The following NFIB variants were observed in gnomAD, a reference collection of about 807,000 sequenced individuals.
The protein encoded by NFIB is nuclear factor I B, also known as nuclear factor 1 B-type.
A neutral mutation model predicts 61.5 loss-of-function variants in NFIB; 11 were observed. The observed-to-expected ratio is 0.18, with a 90% confidence interval of 0.11 to 0.30. The LOEUF (loss-of-function observed/expected upper bound fraction) is 0.30, where lower values mean the gene tolerates loss of function less well. Ranked by LOEUF, NFIB falls within the 10% of genes least tolerant of loss-of-function variation. The probability of loss-of-function intolerance (pLI) is 1.00; values close to 1 mark genes in which losing one functional copy is unlikely to be tolerated. For missense variants in NFIB, 471 were observed against 608.9 expected (o/e 0.77, Z 2.38); for synonymous variants, 260 against 216.5 (o/e 1.20, Z -1.76).
the NFIB span, among the ~76,000 whole-genome samples, chr9:14,457,374 G>C: frequency 3.9e-5 from 6 of 152,118 alleles, no homozygotes; most frequent in Admixed American, 2.6e-4. Context: ...CTTTGAAAGA[G>C]GGCTATTTCT....
intron 1 of NFIB, among the ~76,000 whole-genome samples, chr9:14,325,942 T>C (rs2060747287): frequency 6.6e-6 from 1 of 152,198 alleles, no homozygotes; most frequent in Admixed American, 6.5e-5. Context: ...TATTGTATTT[T>C]TAATATAAAT....
At chr9:14,232,051 C>A (rs1490982323) in intron 2 of NFIB, among the ~76,000 whole-genome samples, 1 of 152,154 alleles carries the variant, frequency 6.6e-6, no homozygotes, top group African/African-American at 2.4e-5. Flanking sequence ...AGTCTCTTAT[C>A]AGTATGGAAC....
chr9:14,405,317 G>C, the NFIB span, among the ~76,000 whole-genome samples: 1 of 152,178 alleles, frequency 6.6e-6, no homozygotes, highest in African/African-American at 2.4e-5. Context: ...ATGTCATTGA[G>C]ATTTCAGGAA....
At chr9:14,226,215 T>C in intron 2 of NFIB, among the ~76,000 whole-genome samples, 1 of 152,170 alleles carries the variant, frequency 6.6e-6, no homozygotes, top group African/African-American at 2.4e-5. Context: ...TTGGATAACT[T>C]TTTTTTGGCT....
At chr9:14,517,501 G>T in the NFIB span, among the ~76,000 whole-genome samples, 2 of 152,186 alleles carry the variant, frequency 1.3e-5, no homozygotes, top group African/African-American at 4.8e-5. Flanking sequence ...GAAACTTGCA[G>T]AAACAGCAGC....
At chr9:14,489,799 T>C in the NFIB span, among the ~76,000 whole-genome samples, 131 of 152,112 alleles carry the variant, frequency 8.6e-4, no homozygotes, top group African/African-American at 2.8e-3. Context: ...TTTATACATA[T>C]GTATTAAATA....
intron 2 of NFIB, among the ~76,000 whole-genome samples, chr9:14,260,785 C>A (rs1248755438): frequency 1.3e-5 from 2 of 152,196 alleles, no homozygotes; most frequent in African/African-American, 2.4e-5. Context: ...TCAGGCAAGG[C>A]AGCATGCTTA....
At chr9:14,168,481 A>C (rs775702153) in intron 3 of NFIB, among the ~76,000 whole-genome samples, 3 of 152,220 alleles carry the variant, frequency 2.0e-5, no homozygotes, top group Non-Finnish European at 4.4e-5. Flanking sequence ...AGATACAAAG[A>C]AGCAGCACAC....
intron 2 of NFIB, among the ~76,000 whole-genome samples, chr9:14,198,977 T>G (rs1211850941): frequency 1.3e-5 from 2 of 152,190 alleles, no homozygotes; most frequent in Non-Finnish European, 2.9e-5. Flanking sequence ...ACTGAACCAT[T>G]CTGAACTCTA....
intron 1 of NFIB, among the ~76,000 whole-genome samples, chr9:14,376,406 C>A (rs903326386): frequency 1.3e-5 from 2 of 152,146 alleles, no homozygotes; most frequent in Admixed American, 6.5e-5. Flanking sequence ...GACACTATTT[C>A]CTGCAGGGAT....
At chr9:14,294,935 G>A (rs949906177) in intron 2 of NFIB, among the ~76,000 whole-genome samples, 1 of 152,112 alleles carries the variant, frequency 6.6e-6, no homozygotes, top group Non-Finnish European at 1.5e-5. Context: ...AACAAGCACC[G>A]AAACTAGTTC....
the NFIB span, among the ~76,000 whole-genome samples, chr9:14,500,720 G>T: frequency 6.6e-6 from 1 of 152,092 alleles, no homozygotes; most frequent in African/African-American, 2.4e-5. Flanking sequence ...ATTCCTTGCC[G>T]CCCTAGAGTC....
intron 2 of NFIB, among the ~76,000 whole-genome samples, chr9:14,225,556 G>T (rs552261607): frequency 1.3e-5 from 2 of 151,258 alleles, no homozygotes; most frequent in Non-Finnish European, 2.9e-5. Flanking sequence ...GTGATGGATT[G>T]TGCCTGGAAT....
chr9:14,153,689 T>C (rs543285082), intron 4 of NFIB, among the ~76,000 whole-genome samples: 1 of 152,264 alleles, frequency 6.6e-6, no homozygotes, highest in Admixed American at 6.6e-5. Context: ...GTGGGTCTTA[T>C]GATTGTAAAA....
intron 2 of NFIB, among the ~76,000 whole-genome samples, chr9:14,251,539 T>C (rs924110928): frequency 1.3e-5 from 2 of 152,178 alleles, no homozygotes; most frequent in Non-Finnish European, 2.9e-5. Flanking sequence ...ATGATGTCAG[T>C]GCTATTTTCT....
intron 1 of NFIB, among the ~76,000 whole-genome samples, chr9:14,355,049 T>A (rs2061159062): frequency 6.6e-6 from 1 of 152,140 alleles, no homozygotes; most frequent in African/African-American, 2.4e-5. Context: ...GCTGTGTGTG[T>A]GTGAGCATGT....
intron 2 of NFIB, among the ~76,000 whole-genome samples, chr9:14,233,895 C>A (rs2053467552): frequency 6.6e-6 from 1 of 152,184 alleles, no homozygotes; most frequent in Admixed American, 6.5e-5. Flanking sequence ...AGTTTTGTCA[C>A]CATCAGCACT....
chr9:14,351,364 G>T (rs1377324583), intron 1 of NFIB, among the ~76,000 whole-genome samples: 2 of 152,178 alleles, frequency 1.3e-5, no homozygotes, highest in African/African-American at 4.8e-5. Flanking sequence ...CGCCAGCCCT[G>T]TGCCCCATAC....
chr9:14,211,499 G>C (rs2050300558), intron 2 of NFIB, among the ~76,000 whole-genome samples: 1 of 152,158 alleles, frequency 6.6e-6, no homozygotes, highest in Non-Finnish European at 1.5e-5. Flanking sequence ...AATGAGAATA[G>C]ATAAAAGCTT....
Sources: allele counts gnomAD v4.1 joint callset (sites outside exome capture counted in the v4.1 genomes callset), GRCh38; gene constraint gnomAD v4.1.1; transcripts MANE v1.5; gene names NCBI Gene and HGNC (gene_info 2026-07-23, HGNC 2026-07-21).